PNPLA1: variants seen among roughly 807,000 people sequenced by gnomAD.
The protein encoded by PNPLA1 is omega-hydroxyceramide transacylase.
In PNPLA1, 36 loss-of-function variants were observed where a neutral mutation model predicts 51.7. The ratio of observed to expected loss-of-function variants is 0.70; its 90% CI spans 0.53 to 0.92. PNPLA1 has a LOEUF of 0.92. PNPLA1 is among the 40% of genes least tolerant of loss of function. The probability of loss-of-function intolerance (pLI) is 0.00; values close to 1 mark genes in which losing one functional copy is unlikely to be tolerated. For missense variants in PNPLA1, 658 were observed against 682.5 expected (o/e 0.96, Z 0.40); for synonymous variants, 293 against 280.1 (o/e 1.05, Z -0.46).
intron 5 of PNPLA1, among the ~76,000 whole-genome samples, chr6:36,299,333 C>CTTTTTTTTTTT (rs56352900): frequency 7.0e-6 from 1 of 142,346 alleles, no homozygotes; most frequent in Non-Finnish European, 1.5e-5. Context: ...GTTTTTTTGT[C>CTTTTTTTTTTT]TGTTTTTTTT....
chr6:36,292,151 G>A (rs1561864856), intron 2 of PNPLA1, among the ~76,000 whole-genome samples: 1 of 152,172 alleles, frequency 6.6e-6, no homozygotes, highest in Non-Finnish European at 1.5e-5. Flanking sequence ...GGGTTAAGCT[G>A]TGTGGCCTCC....
intron 5 of PNPLA1, among the ~76,000 whole-genome samples, chr6:36,301,144 A>G (rs1561870322): frequency 9.6e-6 from 1 of 103,720 alleles, no homozygotes; most frequent in African/African-American, 3.9e-5. Flanking sequence ...TTTTTGAGAC[A>G]GGTTCTCACT....
chr6:36,299,323 G>GA (rs1770953000), intron 5 of PNPLA1, among the ~76,000 whole-genome samples: 1 of 89,374 alleles, frequency 1.1e-5, no homozygotes, highest in African/African-American at 4.3e-5. Context: ...GGTTTTTTTT[G>GA]TTTTTTTGTC....
chr6:36,244,531 G>C (rs1211601490), intron 1 of PNPLA1, among the ~76,000 whole-genome samples: 2 of 152,008 alleles, frequency 1.3e-5, no homozygotes, highest in African/African-American at 4.8e-5. Flanking sequence ...TGTAGAGGGG[G>C]CTCCCGACCT....
At chr6:36,276,424 T>G (rs1770100025) in intron 1 of PNPLA1, among the ~76,000 whole-genome samples, 1 of 152,136 alleles carries the variant, frequency 6.6e-6, no homozygotes. Flanking sequence ...TCAAGGCACA[T>G]GAAAATGTTG....
chr6:36,246,525 C>T (rs966477129), intron 1 of PNPLA1, among the ~76,000 whole-genome samples: 2 of 152,156 alleles, frequency 1.3e-5, no homozygotes, highest in African/African-American at 4.8e-5. Flanking sequence ...TTAACTCCTC[C>T]TATCAATCAA....
chr6:36,302,596 AT>A, intron 6 of PNPLA1, 127 bp downstream of exon 6: 1 of 1,272,360 alleles, frequency 7.9e-7, no homozygotes, highest in East Asian at 2.4e-5. Flanking sequence ...GAGCTTTAGC[AT>A]CTCTGTCCAT....
At chr6:36,256,873 TC>T (rs1358326119) in intron 1 of PNPLA1, among the ~76,000 whole-genome samples, 1 of 152,096 alleles carries the variant, frequency 6.6e-6, no homozygotes, top group African/African-American at 2.4e-5. Context: ...AGCTTGAAAC[TC>T]AAAGAAGGGC....
At chr6:36,291,609 T>C (rs1000760264) in intron 2 of PNPLA1, 57 bp downstream of exon 2, 6 of 1,347,584 alleles carry the variant, frequency 4.5e-6, no homozygotes, top group Non-Finnish European at 5.1e-6. Flanking sequence ...GGGCGGCTCC[T>C]GCTCTTTCTC....
intron 1 of PNPLA1, among the ~76,000 whole-genome samples, chr6:36,279,617 C>T (rs1770216085): frequency 6.6e-6 from 1 of 152,188 alleles, no homozygotes; most frequent in African/African-American, 2.4e-5. Context: ...CCAACTCTGC[C>T]CCCAAGTTCT....
rs766879431 is a variant in PNPLA1 at position 36,306,425 on chromosome 6, C to T, written c.1469+49C>T. On this transcript the variant is annotated intron_variant, in intron 7 of 8. Transcript: ENST00000636260. The stretch of plus-strand genomic sequence containing the variant: ...CGCTCTTTCCTTTGGACGGAAGAAG[C>T]AAGCCCGGCTAAGCGATATCTTCCA... 5 of 1,515,460 alleles carry T rather than the reference C, an allele frequency of 3.3e-6. No individual in the cohort carries two copies. In the African/African-American group the frequency reaches 4.2e-5, roughly 13 times the overall value. The allele number at this position is 1,515,460 out of a possible 1,614,324, so 93.9% of individuals were successfully genotyped here. A position where few individuals can be genotyped will look rare whatever the true frequency, so the allele number is the denominator to read the frequency against.
In PNPLA1 at chr6:36,294,360, C is replaced by T. The variant is rs886061374; in HGVS notation, c.675C>T (p.Ile225=). 5.0e-6 allele frequency: 8 copies of T among 1,614,050 alleles called. No homozygotes were observed. The highest frequency in any genetic ancestry group is 3.3e-5 in the Admixed American group (2 of 60,004). The change falls in exon 4 of 9, where the codon ATC becomes ATT. Residue 225 remains isoleucine (I), a synonymous_variant. Transcript: ENST00000636260. The surrounding 1 kb of genome is among the most constrained non-coding windows in gnomAD (Gnocchi z 4.2). ...NCSFQFSLEN[I]ARMTHALFPP... ...CCTTCCAGTTCTCCCTGGAGAACAT[C>T]GCCAGGATGACCCACGCATTGTTCC...
intron 1 of PNPLA1, among the ~76,000 whole-genome samples, chr6:36,275,432 A>G (rs1010999760): frequency 6.6e-6 from 1 of 152,198 alleles, no homozygotes; most frequent in Non-Finnish European, 1.5e-5. Flanking sequence ...GATTTCTTCT[A>G]CATTGTCTTT....
rs368379629 is a variant in PNPLA1, at chr6:36,307,371, A to G, written c.1470-216A>G. The stretch of plus-strand genomic sequence containing the variant: ...CTTTTTTGCATTTACATATAACTCT[A>G]TAAAAGTCGGAGTTTCATTTGACTC... On this transcript the variant is annotated intron_variant, in intron 7 of 8. Transcript: ENST00000636260. Among the ~76,000 whole-genome samples the G allele has an allele frequency of 6.0e-4, 92 of 152,322 alleles. 1 individual carries two copies. The South Asian group carries it at 0.018, about 30-fold the overall frequency.
chr6:36,271,376 G>A (rs1213535435), intron 1 of PNPLA1, among the ~76,000 whole-genome samples: 1 of 152,180 alleles, frequency 6.6e-6, no homozygotes, highest in Non-Finnish European at 1.5e-5. Flanking sequence ...GAGCTACCTT[G>A]GAGGGGCATT....
chr6:36,302,599 T>G, intron 6 of PNPLA1, 130 bp downstream of exon 6: 1 of 1,265,174 alleles, frequency 7.9e-7, no homozygotes, highest in Non-Finnish European at 1.1e-6. Context: ...CTTTAGCATC[T>G]CTGTCCATTA....
intron 1 of PNPLA1, among the ~76,000 whole-genome samples, chr6:36,282,272 AAG>A (rs920472930): frequency 6.6e-6 from 1 of 151,968 alleles, no homozygotes; most frequent in African/African-American, 2.4e-5. Flanking sequence ...GAAAGAAAGA[AAG>A]ATCAAATGGC....
intron 8 of PNPLA1, among the ~76,000 whole-genome samples, chr6:36,310,563 A>G (rs1056615725): frequency 1.3e-5 from 2 of 152,242 alleles, no homozygotes; most frequent in African/African-American, 4.8e-5. Context: ...TTCCGATGTG[A>G]ATGTAATAAT....
At chr6:36,246,695 A>G (rs890386224) in intron 1 of PNPLA1, among the ~76,000 whole-genome samples, 2 of 152,074 alleles carry the variant, frequency 1.3e-5, no homozygotes, top group African/African-American at 2.4e-5. Context: ...GTCACTCACA[A>G]TTGCACAATT....
Sources: gnomAD v4.1 joint callset for allele counts (sites outside exome capture counted in the v4.1 genomes callset) on GRCh38, gnomAD v4.1.1 for gene constraint, Gnocchi (gnomAD v3.1) non-coding constraint, MANE v1.5 for transcripts, NCBI Gene and HGNC (gene_info 2026-07-23, HGNC 2026-07-21) for gene names.